RASGEF1C: variants seen among roughly 807,000 people sequenced by gnomAD.
RASGEF1C encodes the protein RasGEF domain family member 1C.
A neutral mutation model predicts 58.1 loss-of-function variants in RASGEF1C; 27 were observed. The observed-to-expected ratio is 0.46, with a 90% confidence interval of 0.34 to 0.64. The LOEUF (loss-of-function observed/expected upper bound fraction) is 0.64. Among genes scored for constraint, RASGEF1C ranks in the 30% least tolerant of loss-of-function variants. The pLI is 0.01. For synonymous variants in RASGEF1C, 243 were observed against 246.3 expected (o/e 0.99, Z 0.13); for missense variants, 502 against 605.1 (o/e 0.83, Z 1.79).
In RASGEF1C at chr5:180,168,938, C is replaced by T. The variant is rs920699653; in HGVS notation, c.-6-30880G>A. On this transcript the variant is annotated intron_variant, in intron 1 of 13. Transcript: ENST00000361132. The surrounding 1 kb of genome is among the most constrained non-coding windows in gnomAD (Gnocchi z 6.0). ...GCCCTGAGTGCAGGCTTGGCTAGAG[C>T]GGGGGAAAAACGGCAAACCTACTTC... Among the ~76,000 whole-genome samples the T allele has an allele frequency of 6.6e-6, 1 of 152,056 alleles. No individual in the cohort carries two copies. Among genetic ancestry groups the T allele is most frequent in the Non-Finnish European group, 1.5e-5 (1 of 68,026 alleles).
At chr5:180,169,674 G>C (rs1012219982) in intron 1 of RASGEF1C, among the ~76,000 whole-genome samples, 2 of 152,100 alleles carry the variant, frequency 1.3e-5, no homozygotes, top group African/African-American at 2.4e-5. Flanking sequence ...TGGAGAGGCT[G>C]TGAGCCTGTG....
intron 11 of RASGEF1C, among the ~76,000 whole-genome samples, chr5:180,112,632 T>C (rs909481930): frequency 7.2e-5 from 11 of 152,234 alleles, no homozygotes; most frequent in African/African-American, 2.7e-4. Flanking sequence ...GGGCTGGCTC[T>C]CAGTGGGAGA....
intron 1 of RASGEF1C, among the ~76,000 whole-genome samples, chr5:180,138,973 T>G (rs1396129796): frequency 6.6e-6 from 1 of 152,184 alleles, no homozygotes; most frequent in East Asian, 1.9e-4. Flanking sequence ...ATCAGCAGAT[T>G]CTGCTTGTCA....
rs1765783115 is a variant in RASGEF1C, at chr5:180,101,446, G to A, written c.*55C>T. 1 of 1,600,526 alleles carries A rather than the reference G, an allele frequency of 6.2e-7. No homozygotes were observed. The highest frequency in any genetic ancestry group is 8.5e-7 in the Non-Finnish European group (1 of 1,176,506). On this transcript the variant is annotated 3_prime_UTR_variant, in exon 14 of 14. Coordinates refer to ENST00000361132, the MANE Select transcript of RASGEF1C (RefSeq NM_175062.4). ...CTGCCCACTGGGCCACTGAGGCAGG[G>A]CTGTGGACGGCTTCTGCGGGCTCCA...
rs199815677 is a variant in RASGEF1C at position 180,119,403 on chromosome 5, C to T, written c.850G>A (p.Asp284Asn). ...QRAQVIEFFI[D>N]VARECFNIGN... ...ATGTTGAAGCACTCGCGGGCCACGT[C>T]GATGAAGAACTCAATCACCTGGGCC... Residue 284 changes from aspartate (D) to asparagine (N), a missense_variant, in exon 8 of 14, where the codon GAC becomes AAC. By Grantham distance (23) the Asp-to-Asn change is conservative. Transcript: ENST00000361132. 1.7e-5 allele frequency: 28 copies of T among 1,614,036 alleles called. No homozygotes were observed. The highest frequency in any genetic ancestry group is 3.3e-5 in the Admixed American group (2 of 60,004).
At chr5:180,175,588 C>A (rs536893146) in intron 1 of RASGEF1C, among the ~76,000 whole-genome samples, 1 of 152,240 alleles carries the variant, frequency 6.6e-6, no homozygotes, top group African/African-American at 2.4e-5. Flanking sequence ...CGAGCCTGAG[C>A]AGTCCCTGTG....
intron 1 of RASGEF1C, among the ~76,000 whole-genome samples, chr5:180,178,362 C>T (rs1767265977): frequency 7.3e-6 from 1 of 137,224 alleles, no homozygotes; most frequent in African/African-American, 2.8e-5. Flanking sequence ...TCACTGCAGC[C>T]TTTGCCTCCT....
rs1756307573 is a variant in RASGEF1C, at chr5:180,197,873, G to A, written c.-7+11155C>T. ...ACCCAGGTAGATATTTCCTCTGCAG[G>A]GGCACTAATTAGCTGATTCCAAGAG... On this transcript the variant is annotated intron_variant, in intron 1 of 13. Coordinates refer to ENST00000361132, the MANE Select transcript of RASGEF1C (RefSeq NM_175062.4). This position sits in a 1 kb window ranked among gnomAD's most constrained non-coding sequence, Gnocchi z 4.7. Among the ~76,000 whole-genome samples the A allele has an allele frequency of 6.6e-6, 1 of 152,174 alleles. No homozygotes were observed. Among genetic ancestry groups the A allele is most frequent in the Non-Finnish European group, 1.5e-5 (1 of 68,042 alleles).
intron 10 of RASGEF1C, among the ~76,000 whole-genome samples, chr5:180,116,708 C>T (rs565441559): frequency 1.3e-5 from 2 of 152,350 alleles, no homozygotes; most frequent in African/African-American, 2.4e-5. Flanking sequence ...GGAAGTAGTG[C>T]GGAGCGCCCA....
At chr5:180,190,388 G>A (rs551169334) in intron 1 of RASGEF1C, among the ~76,000 whole-genome samples, 4 of 151,144 alleles carry the variant, frequency 2.6e-5, no homozygotes, top group Non-Finnish European at 5.9e-5. Context: ...TACTCGGGAG[G>A]CTGAGGCAGG....
intron 1 of RASGEF1C, among the ~76,000 whole-genome samples, chr5:180,199,114 C>G (rs781094044): frequency 1.8e-4 from 28 of 152,246 alleles, no homozygotes; most frequent in Middle Eastern, 3.4e-3. Flanking sequence ...ACATGCAGCC[C>G]CCAGGAGTGC....
intron 1 of RASGEF1C, among the ~76,000 whole-genome samples, chr5:180,174,394 GTGTGTGCGTC>G (rs1767174563): frequency 1.3e-5 from 2 of 151,648 alleles, no homozygotes; most frequent in African/African-American, 2.4e-5. Context: ...AGAGATGCAT[GTGTGTGCGTC>G]TGTGTGTGCG....
rs188868635 is a variant in RASGEF1C, at chr5:180,115,856, G to A, written c.1084-1315C>T. ...GTCCTACCTCTTCCTCACTGTGCCGGGATCAGTGGTGGGGGGGGATTGTGG... is the reference window on the plus strand; with the variant it reads ...GTCCTACCTCTTCCTCACTGTGCCGAGATCAGTGGTGGGGGGGGATTGTGG... On this transcript the variant is annotated intron_variant, in intron 10 of 13. Coordinates refer to ENST00000361132, the MANE Select transcript of RASGEF1C (RefSeq NM_175062.4). Among the ~76,000 whole-genome samples the A allele has an allele frequency of 6.6e-5, 10 of 152,152 alleles. No homozygotes were observed. In the East Asian group the frequency reaches 1.4e-3, roughly 21 times the overall value.
At chr5:180,142,591 T>G (rs374141457) in intron 1 of RASGEF1C, among the ~76,000 whole-genome samples, 1 of 151,798 alleles carries the variant, frequency 6.6e-6, no homozygotes, top group South Asian at 2.1e-4. Context: ...GACGGGGAGG[T>G]GCACAGACGC....
intron 1 of RASGEF1C, among the ~76,000 whole-genome samples, chr5:180,170,568 G>C (rs951660567): frequency 6.6e-6 from 1 of 152,110 alleles, no homozygotes; most frequent in African/African-American, 2.4e-5. Context: ...CGGAGCCCCC[G>C]CCCTGGCCAG....
At chr5:180,199,110 A>G (rs1354484480) in intron 1 of RASGEF1C, among the ~76,000 whole-genome samples, 3 of 152,168 alleles carry the variant, frequency 2.0e-5, no homozygotes, top group African/African-American at 7.2e-5. Flanking sequence ...GCAGACATGC[A>G]GCCCCCAGGA....
chr5:180,144,260 C>T (rs1243685433), intron 1 of RASGEF1C, among the ~76,000 whole-genome samples: 2 of 152,184 alleles, frequency 1.3e-5, no homozygotes, highest in Non-Finnish European at 2.9e-5. Flanking sequence ...TGGGGCGACC[C>T]TCTACCTGCC....
At chr5:180,204,828 A>T (rs1355869890) in intron 1 of RASGEF1C, among the ~76,000 whole-genome samples, 1 of 152,330 alleles carries the variant, frequency 6.6e-6, no homozygotes, top group Non-Finnish European at 1.5e-5. Context: ...AAAGCATAAA[A>T]ATCAGTAGAG....
At chr5:180,113,087 C>G (rs1483036434) in intron 11 of RASGEF1C, among the ~76,000 whole-genome samples, 1 of 129,294 alleles carries the variant, frequency 7.7e-6, no homozygotes, top group Non-Finnish European at 1.6e-5. Context: ...CGGGGATGGA[C>G]AGAGGGACTG....
Sources: gnomAD v4.1 joint callset for allele counts (sites outside exome capture counted in the v4.1 genomes callset) on GRCh38, gnomAD v4.1.1 for gene constraint, Gnocchi (gnomAD v3.1) non-coding constraint, MANE v1.5 for transcripts, NCBI Gene and HGNC (gene_info 2026-07-23, HGNC 2026-07-21) for gene names.